Variants in ZC3H11A observed in about 807,000 individuals in gnomAD.
ZC3H11A encodes zinc finger CCCH domain-containing protein 11A.
A neutral mutation model predicts 90.8 loss-of-function variants in ZC3H11A; 22 were observed. That is an observed-to-expected ratio of 0.24 (90% CI 0.17 to 0.35). The LOEUF is 0.35. Among genes scored for constraint, ZC3H11A ranks in the 10% least tolerant of loss-of-function variants. ZC3H11A has a pLI of 1.00. For missense variants in ZC3H11A, 701 were observed against 964.9 expected, an observed-to-expected ratio of 0.73 and a Z score of 3.62; for synonymous variants, 294 against 339.8, an observed-to-expected ratio of 0.87 and a Z score of 1.48.
chr1:203,807,739 A>G (rs1198754559), intron 2 of ZC3H11A, among the ~76,000 whole-genome samples: 1 of 151,828 alleles, frequency 6.6e-6, no homozygotes, highest in Non-Finnish European at 1.5e-5. Flanking sequence ...TATGTTGCCC[A>G]GGCTTATTTA....
At chr1:203,812,724 GGT>G (rs955173386) in intron 2 of ZC3H11A, among the ~76,000 whole-genome samples, 16 of 151,744 alleles carry the variant, frequency 1.1e-4, no homozygotes, top group African/African-American at 3.9e-4. Flanking sequence ...TGGGATTACA[GGT>G]GTGTGCTACC....
intron 14 of ZC3H11A, 35 bp from the exon 15 acceptor site, chr1:203,849,676 C>G: frequency 6.3e-7 from 1 of 1,599,934 alleles, no homozygotes; most frequent in South Asian, 1.1e-5. Context: ...TTAGAGGTAC[C>G]AGATTTTAAT....
rs767522117 is a variant in ZC3H11A at position 203,829,731 on chromosome 1, C to G, written c.503-49C>G. 4.3e-6 allele frequency: 7 copies of G among 1,610,752 alleles called. No individual in the cohort carries two copies. The Admixed American group carries it at 1.2e-4, about 27-fold the overall frequency. ...GAATTGGGCAGAATCAGGATTAAAG[C>G]TATAGGCGTATTTTTAATTGTGAAT... On this transcript the variant is annotated intron_variant, in intron 6 of 17. Coordinates refer to ENST00000367210, the MANE Select transcript of ZC3H11A (RefSeq NM_001376342.1).
intron 12 of ZC3H11A, among the ~76,000 whole-genome samples, chr1:203,842,159 G>A (rs1453931639): frequency 3.9e-5 from 6 of 152,014 alleles, no homozygotes; most frequent in Non-Finnish European, 8.8e-5. Context: ...CAGACGATGG[G>A]CGGCCAGGCA....
intron 2 of ZC3H11A, among the ~76,000 whole-genome samples, chr1:203,809,172 G>GT (rs33926996): frequency 0.66 from 54,919 of 83,318 alleles, 19,686 homozygotes; most frequent in East Asian, 0.73. Flanking sequence ...TCTTCTCACT[G>GT]TTTTTTTTTT....
rs769261818 is a variant in ZC3H11A at position 203,818,629 on chromosome 1, A to G, written c.114A>G (p.Thr38=). 1.5e-5 allele frequency: 25 copies of G among 1,614,088 alleles called. No homozygotes were observed. Among genetic ancestry groups the G allele is most frequent in the East Asian group, 2.2e-5 (1 of 44,898 alleles). ...EAAIGNETVC[T]LWQEGRCFRQ... ...CAATAGGAAATGAAACTGTTTGCAC[A>G]TTATGGCAAGAAGGGCGCTGTTTTC... The change falls in exon 4 of 18, where the codon ACA becomes ACG. Residue 38 remains threonine, a synonymous_variant. Transcript: ENST00000367210.
Position 203,798,371 on chromosome 1 carries a change from T to A in ZC3H11A, c.-1588+2577T>A. On this transcript the variant is annotated intron_variant, in intron 1 of 17. Coordinates refer to ENST00000367210, the MANE Select transcript of ZC3H11A (RefSeq NM_001376342.1). ...CTGATCCTCAGCACATCTCAAGAGC[T>A]GTGTGTAATATATGTAAAAGAAGTG... The A allele has an allele frequency of 2.0e-6, 3 of 1,535,240 alleles. No individual in the cohort carries two copies. The South Asian group carries it at 3.6e-5, about 18-fold the overall frequency.
At chr1:203,820,357 T>C (rs1413088600) in intron 4 of ZC3H11A, among the ~76,000 whole-genome samples, 3 of 152,108 alleles carry the variant, frequency 2.0e-5, no homozygotes, top group Non-Finnish European at 2.9e-5. Context: ...TTAACACTTA[T>C]GGTAGCTATA....
At chr1:203,800,443 A>G in intron 1 of ZC3H11A, 1 of 1,486,228 alleles carries the variant, frequency 6.7e-7, no homozygotes, top group Non-Finnish European at 8.9e-7. Context: ...CAAAGCAGTG[A>G]AAAAGAAATA....
chr1:203,835,134 T>C (rs983027888), intron 10 of ZC3H11A, among the ~76,000 whole-genome samples: 1 of 152,232 alleles, frequency 6.6e-6, no homozygotes, highest in Non-Finnish European at 1.5e-5. Flanking sequence ...TGGGAATGTA[T>C]TGTTGAATCA....
intron 2 of ZC3H11A, among the ~76,000 whole-genome samples, chr1:203,813,384 T>C (rs1314607986): frequency 6.6e-6 from 1 of 152,056 alleles, no homozygotes; most frequent in Admixed American, 6.5e-5. Context: ...ATTTTAATGG[T>C]TTTTATTGAA....
intron 11 of ZC3H11A, 41 bp downstream of exon 11, chr1:203,838,105 T>A: frequency 1.3e-6 from 2 of 1,561,992 alleles, no homozygotes; most frequent in Non-Finnish European, 1.8e-6. Context: ...TATGTAATTA[T>A]GACACTTGTG....
At chr1:203,847,708 C>T (rs1688259239) in intron 13 of ZC3H11A, 21 bp downstream of exon 13, 1 of 1,603,710 alleles carries the variant, frequency 6.2e-7, no homozygotes, top group Non-Finnish European at 8.5e-7. Context: ...AACTTGGTCT[C>T]TAGTACCACG....
At chr1:203,843,606 G>A (rs1687084051) in intron 12 of ZC3H11A, among the ~76,000 whole-genome samples, 1 of 152,164 alleles carries the variant, frequency 6.6e-6, no homozygotes, top group African/African-American at 2.4e-5. Flanking sequence ...AATGAAAGCA[G>A]CCATATGCAT....
At chr1:203,850,162 C>T in intron 15 of ZC3H11A, 136 bp downstream of exon 15, 1 of 770,638 alleles carries the variant, frequency 1.3e-6, no homozygotes, top group Non-Finnish European at 2.1e-6. Context: ...AGTAATATTT[C>T]TGATATTTTT....
intron 4 of ZC3H11A, among the ~76,000 whole-genome samples, chr1:203,824,004 CAT>C (rs1414903719): frequency 6.6e-6 from 1 of 152,178 alleles, no homozygotes; most frequent in Non-Finnish European, 1.5e-5. Context: ...CGCCGTGGCT[CAT>C]GCCTGTAATC....
chr1:203,850,369 G>A, intron 15 of ZC3H11A, 146 bp from the exon 16 acceptor site: 1 of 1,217,446 alleles, frequency 8.2e-7, no homozygotes. Context: ...ACCACAAATT[G>A]CCTTTGAATC....
At chr1:203,833,685 C>A in intron 9 of ZC3H11A, 106 bp from the exon 10 acceptor site, 10 of 602,444 alleles carry the variant, frequency 1.7e-5, no homozygotes, top group Admixed American at 4.3e-5. Context: ...AAGAGACTTT[C>A]TGGGTGGATT....
chr1:203,799,934 A>G, intron 1 of ZC3H11A: 4 of 1,536,126 alleles, frequency 2.6e-6, no homozygotes, highest in Non-Finnish European at 3.5e-6. Flanking sequence ...ATTATATGGA[A>G]TCTTCACCAG....
Sources: allele counts gnomAD v4.1 joint callset (sites outside exome capture counted in the v4.1 genomes callset), GRCh38; gene constraint gnomAD v4.1.1; transcripts MANE v1.5; gene names NCBI Gene and HGNC (gene_info 2026-07-23, HGNC 2026-07-21).